The following RFC3 variants were observed in gnomAD, a reference collection of about 807,000 sequenced individuals.
RFC3 encodes replication factor C subunit 3.
In RFC3, 41 loss-of-function variants were observed where a neutral mutation model predicts 45.1. That is an observed-to-expected ratio of 0.91 (90% CI 0.71 to 1.18). The LOEUF is 1.18. Ranked by LOEUF, RFC3 falls within the 50% of genes most tolerant of loss-of-function variation. The pLI is 0.00. For synonymous variants in RFC3, 149 were observed against 144.0 expected (o/e 1.03, Z -0.25); for missense variants, 423 against 428.1 (o/e 0.99, Z 0.10).
intron 8 of RFC3, chr13:33,847,450 T>C (rs2082245999): frequency 6.6e-6 from 1 of 152,170 alleles, no homozygotes; most frequent in Non-Finnish European, 1.5e-5. Flanking sequence ...GCCATCTTGC[T>C]TCACCTCCTC....
downstream of RFC3, among the ~76,000 whole-genome samples, chr13:33,968,960 G>A (rs942348156): frequency 2.0e-5 from 3 of 152,120 alleles, no homozygotes; most frequent in Non-Finnish European, 4.4e-5. Flanking sequence ...ACTTTACCAG[G>A]TCAAACTCAA....
chr13:33,827,344 T>C (rs900288139), intron 4 of RFC3, among the ~76,000 whole-genome samples: 1 of 152,182 alleles, frequency 6.6e-6, no homozygotes, highest in African/African-American at 2.4e-5. Context: ...TGACTTGTCA[T>C]GTTGAATTTG....
At chr13:33,974,121 G>T in the RFC3 span, among the ~76,000 whole-genome samples, 1 of 152,274 alleles carries the variant, frequency 6.6e-6, no homozygotes, top group South Asian at 2.1e-4. Context: ...CTGATTTTTG[G>T]CCAAGGTCTG....
At chr13:33,971,969 G>T in the RFC3 span, among the ~76,000 whole-genome samples, 1 of 151,592 alleles carries the variant, frequency 6.6e-6, no homozygotes. Flanking sequence ...AAAAAAATTA[G>T]CTGGGCATGG....
intron 8 of RFC3, among the ~76,000 whole-genome samples, chr13:33,909,581 T>C (rs2082692219): frequency 6.6e-6 from 1 of 152,072 alleles, no homozygotes; most frequent in South Asian, 2.1e-4. Flanking sequence ...TCCTCTTTCT[T>C]CTATTCTTCT....
chr13:33,883,716 TA>T (rs1415462570), intron 8 of RFC3, among the ~76,000 whole-genome samples: 1 of 152,136 alleles, frequency 6.6e-6, no homozygotes, highest in African/African-American at 2.4e-5. Flanking sequence ...ATTTCAAAAA[TA>T]AAAAGTTATG....
At chr13:33,886,635 A>C (rs1182324545) in intron 8 of RFC3, among the ~76,000 whole-genome samples, 1 of 146,884 alleles carries the variant, frequency 6.8e-6, no homozygotes, top group African/African-American at 2.5e-5. Flanking sequence ...TTTTTTTTTC[A>C]ATTTTATTAT....
rs575923133 is a variant in RFC3, at chr13:33,835,339, G to A, written c.879+122G>A. ...TTTCTCTCCAGCGCATTAATTGCAC[G>A]TATTTACTGAACCTCTATGGTGTGC... On this transcript the variant is annotated intron_variant, in intron 8 of 8. Coordinates refer to ENST00000380071, the MANE Select transcript of RFC3 (RefSeq NM_002915.4). The A allele has an allele frequency of 2.8e-4, 212 of 756,568 alleles. 1 individual carries two copies. In the African/African-American group the frequency reaches 3.3e-3, roughly 12 times the overall value. The allele number at this position is 756,568 out of a possible 1,614,324, so 46.9% of individuals were successfully genotyped here. A position where few individuals can be genotyped will look rare whatever the true frequency, so the allele number is the denominator to read the frequency against.
chr13:33,873,518 A>G (rs909328108), intron 8 of RFC3, among the ~76,000 whole-genome samples: 4 of 152,216 alleles, frequency 2.6e-5, no homozygotes, highest in Non-Finnish European at 5.9e-5. Flanking sequence ...CTGAGAAGTG[A>G]GATCATAACT....
chr13:33,953,638 T>C (rs1368259254), intron 8 of RFC3, among the ~76,000 whole-genome samples: 3 of 152,120 alleles, frequency 2.0e-5, no homozygotes, highest in Non-Finnish European at 4.4e-5. Context: ...ATGACATAAT[T>C]CCCAAAGTCA....
chr13:33,955,284 A>T (rs2083015102), intron 8 of RFC3, among the ~76,000 whole-genome samples: 1 of 152,230 alleles, frequency 6.6e-6, no homozygotes, highest in African/African-American at 2.4e-5. Context: ...GTTGCAAGAG[A>T]TAAATGATGG....
At chr13:33,971,376 C>T (rs2083108724), downstream of RFC3, among the ~76,000 whole-genome samples, 2 of 152,210 alleles carry the variant, frequency 1.3e-5, no homozygotes, top group African/African-American at 4.8e-5. Context: ...TGTTGTGCGT[C>T]ATTCTGAATA....
At chr13:33,893,592 T>C (rs960896450) in intron 8 of RFC3, among the ~76,000 whole-genome samples, 2 of 151,940 alleles carry the variant, frequency 1.3e-5, no homozygotes, top group Admixed American at 1.3e-4. Flanking sequence ...GAATTCAAAA[T>C]AGCAGTTGTA....
Position 33,908,480 on chromosome 13 carries a change from A to G in RFC3, c.880-57607A>G, listed in dbSNP as rs375750734. Among the ~76,000 whole-genome samples the G allele has an allele frequency of 5.9e-5, 9 of 152,146 alleles. No homozygotes were observed. In the East Asian group the frequency reaches 1.6e-3, roughly 26 times the overall value. ...AGTTCTCACGGAGATCATCAGCTCCACAAAATTGGCTGGAGAATTATTATT... is the reference window on the plus strand; with the variant it reads ...AGTTCTCACGGAGATCATCAGCTCCGCAAAATTGGCTGGAGAATTATTATT... On this transcript the variant is annotated intron_variant, in intron 8 of 8. Transcript: ENST00000434425.
intron 8 of RFC3, among the ~76,000 whole-genome samples, chr13:33,909,273 A>G (rs2082690083): frequency 6.6e-6 from 1 of 151,920 alleles, no homozygotes. Flanking sequence ...CTTTCACTTT[A>G]TCTTCATAAA....
chr13:33,894,597 C>T (rs2057781520), intron 8 of RFC3, among the ~76,000 whole-genome samples: 1 of 152,052 alleles, frequency 6.6e-6, no homozygotes, highest in South Asian at 2.1e-4. Context: ...GGAGTGTGGC[C>T]TAAAAGCTCC....
chr13:33,890,926 C>G (rs1354250422), intron 8 of RFC3, among the ~76,000 whole-genome samples: 1 of 152,156 alleles, frequency 6.6e-6, no homozygotes, highest in Non-Finnish European at 1.5e-5. Context: ...ATTTTTAAAA[C>G]ATGCAAATGT....
In RFC3 at chr13:33,901,525, A is replaced by G. The variant is rs986516091; in HGVS notation, c.880-64562A>G. Among the ~76,000 whole-genome samples, 11 of 152,184 alleles carry G rather than the reference A, an allele frequency of 7.2e-5. No homozygotes were observed. In the East Asian group the frequency reaches 9.7e-4, roughly 13 times the overall value. On this transcript the variant is annotated intron_variant, in intron 8 of 8. Transcript: ENST00000434425. ...GATAGAGAGTAGACTGGCAGTTACCAGAGGCTGGGAAGGGTAGAGAGGAAG... is the reference window on the plus strand; with the variant it reads ...GATAGAGAGTAGACTGGCAGTTACCGGAGGCTGGGAAGGGTAGAGAGGAAG...
intron 8 of RFC3, among the ~76,000 whole-genome samples, chr13:33,843,027 A>G (rs1255096713): frequency 6.6e-6 from 1 of 152,198 alleles, no homozygotes; most frequent in Non-Finnish European, 1.5e-5. Context: ...AGTACATTAA[A>G]TATTATTTCC....
Sources: allele counts gnomAD v4.1 joint callset (sites outside exome capture counted in the v4.1 genomes callset), GRCh38; gene constraint gnomAD v4.1.1; transcripts MANE v1.5; gene names NCBI Gene and HGNC (gene_info 2026-07-23, HGNC 2026-07-21).